The following ACACB variants were observed in gnomAD, a reference collection of about 807,000 sequenced individuals.
ACACB encodes the protein acetyl-CoA carboxylase 2.
ACACB carries 209 observed loss-of-function variants against 278.8 expected under a neutral mutation model. The ratio of observed to expected loss-of-function variants is 0.75; its 90% CI spans 0.67 to 0.84. ACACB has a LOEUF of 0.84. Ranked by LOEUF, ACACB falls within the 40% of genes least tolerant of loss-of-function variation. The pLI is 0.00. For missense variants in ACACB, 2,850 were observed against 3,269.0 expected, an observed-to-expected ratio of 0.87 and a Z score of 3.13; for synonymous variants, 1,174 against 1,285.6, an observed-to-expected ratio of 0.91 and a Z score of 1.86.
At chr12:109,116,880 G>A (rs555791421) in intron 1 of ACACB, among the ~76,000 whole-genome samples, 176 bp downstream of exon 1, 2 of 152,246 alleles carry the variant, frequency 1.3e-5, no homozygotes, top group East Asian at 1.9e-4. Context: ...GAAATGTAAC[G>A]CAGATGAAAG....
intron 4 of ACACB, among the ~76,000 whole-genome samples, chr12:109,168,489 ACTT>A (rs1437271211): frequency 6.6e-6 from 1 of 152,032 alleles, no homozygotes; most frequent in African/African-American, 2.4e-5. Context: ...TAAAAGCATA[ACTT>A]CTTCTGCTGT....
intron 2 of ACACB, among the ~76,000 whole-genome samples, chr12:109,166,372 G>A (rs1236690355): frequency 1.3e-5 from 2 of 152,014 alleles, no homozygotes; most frequent in Admixed American, 1.3e-4. Flanking sequence ...TAGTTCATGT[G>A]CTGGTACCTT....
At chr12:109,190,684 A>G (rs1442315852) in intron 13 of ACACB, among the ~76,000 whole-genome samples, 1 of 151,742 alleles carries the variant, frequency 6.6e-6, no homozygotes, top group East Asian at 1.9e-4. Context: ...CTGGAGTGCA[A>G]TGGTGTGATC....
At chr12:109,227,594 G>A in intron 28 of ACACB, 105 bp downstream of exon 28, 1 of 1,063,222 alleles carries the variant, frequency 9.4e-7, no homozygotes, top group Non-Finnish European at 1.4e-6. Context: ...GCACGCTGCT[G>A]GGGAGACATC....
intron 21 of ACACB, among the ~76,000 whole-genome samples, chr12:109,210,530 T>C (rs1342093070): frequency 1.3e-5 from 2 of 149,024 alleles, no homozygotes; most frequent in Non-Finnish European, 3.0e-5. Context: ...TGTGTATATG[T>C]GTATATATAC....
Position 109,206,757 on chromosome 12 carries a change from C to A in ACACB, c.2961C>A (p.Ile987=). The change falls in exon 20 of 53, where the codon ATC becomes ATA. Residue 987 remains isoleucine (I), a synonymous_variant. Transcript: ENST00000338432. The part of the protein sequence containing the change: ...GELPAQQTLP[I]LGEKLHQVFH... ...TCCCTGCCCAGCAGACACTGCCCAT[C>A]CTCGGAGAGAAACTGCACCAGGTCT... 6.2e-7 allele frequency: 1 copy of A among 1,614,182 alleles called. No homozygotes were observed. Among genetic ancestry groups the A allele is most frequent in the East Asian group, 2.2e-5 (1 of 44,880 alleles).
intron 21 of ACACB, among the ~76,000 whole-genome samples, chr12:109,210,274 T>TCTGTGTGTATATGTATATAC (rs1177366670): frequency 1.5e-5 from 1 of 68,556 alleles, no homozygotes; most frequent in Non-Finnish European, 2.9e-5. Context: ...TATGTACATA[T>TCTGTGTGTATATGTATATAC]ACACACACAT....
intron 11 of ACACB, among the ~76,000 whole-genome samples, chr12:109,180,826 CA>C (rs2044440926): frequency 6.6e-6 from 1 of 152,066 alleles, no homozygotes; most frequent in Non-Finnish European, 1.5e-5. Flanking sequence ...ATGAATATTC[CA>C]ATTATACTCT....
chr12:109,199,497 A>G lies in ACACB; in HGVS notation c.2723A>G (p.Tyr908Cys). ...CCCTCGGCTGGGAAGCTGACACAGT[A>G]CACAGTGGAGGATGGGGGCCACGTT... ...RSPSAGKLTQ[Y>C]TVEDGGHVEA... The change falls in exon 18 of 53, where the codon TAC (tyrosine) becomes TGC (cysteine). Residue 908 changes from tyrosine (Y) to cysteine (C), a missense_variant. By Grantham distance (194) the Tyr-to-Cys change is radical. Coordinates refer to ENST00000338432, the MANE Select transcript of ACACB (RefSeq NM_001093.4). The G allele has an allele frequency of 1.3e-6, 2 of 1,558,660 alleles. No individual in the cohort carries two copies. The highest frequency in any genetic ancestry group is 1.7e-6 in the Non-Finnish European group (2 of 1,151,976).
chr12:109,207,408 AG>A (rs2045554353), intron 20 of ACACB, among the ~76,000 whole-genome samples: 1 of 152,230 alleles, frequency 6.6e-6, no homozygotes, highest in Non-Finnish European at 1.5e-5. Flanking sequence ...GGAAGGAGTC[AG>A]TGGGGGTCAC....
chr12:109,181,224 CTTTTCTTTTTT>C (rs1476826538), intron 11 of ACACB, among the ~76,000 whole-genome samples: 5 of 139,712 alleles, frequency 3.6e-5, no homozygotes, highest in African/African-American at 1.4e-4. Flanking sequence ...TTTCCTTTTT[CTTTTCTTTTTT>C]TTTTTTTTTT....
At chr12:109,151,669 G>C (rs965889363) in intron 2 of ACACB, among the ~76,000 whole-genome samples, 2 of 152,150 alleles carry the variant, frequency 1.3e-5, no homozygotes, top group Non-Finnish European at 2.9e-5. Context: ...GGATTTTCTT[G>C]TTGATTTTGT....
intron 28 of ACACB, among the ~76,000 whole-genome samples, chr12:109,228,108 T>C (rs1593638123): frequency 7.1e-6 from 1 of 140,348 alleles, no homozygotes; most frequent in Non-Finnish European, 1.5e-5. Context: ...GAGGCTGAGG[T>C]GGGTGGATCA....
At chr12:109,200,192 A>T (rs979775098) in intron 18 of ACACB, among the ~76,000 whole-genome samples, 51 of 148,994 alleles carry the variant, frequency 3.4e-4, no homozygotes, top group African/African-American at 1.1e-3. Flanking sequence ...TGATTTCTTT[A>T]TTTTTTTTTT....
Position 109,209,158 on chromosome 12 carries a change from G to A in ACACB, c.3061-7G>A, listed in dbSNP as rs373523396. 4.9e-5 allele frequency: 78 copies of A among 1,588,460 alleles called. No individual in the cohort carries two copies. In the Middle Eastern group the frequency reaches 7.3e-4, roughly 15 times the overall value. On this transcript the variant is annotated splice_polypyrimidine_tract_variant and splice_region_variant and intron_variant, in intron 20 of 52. Coordinates refer to ENST00000338432, the MANE Select transcript of ACACB (RefSeq NM_001093.4). ...GCTGGGGGCTGATGCTGTGGTCCCCGCTTCAGCTGAAGGAGTGGGTGCAGA... is the reference window on the plus strand; with the variant it reads ...GCTGGGGGCTGATGCTGTGGTCCCCACTTCAGCTGAAGGAGTGGGTGCAGA...
chr12:109,185,186 T>C (rs1347675270), intron 11 of ACACB, among the ~76,000 whole-genome samples: 1 of 152,222 alleles, frequency 6.6e-6, no homozygotes, highest in African/African-American at 2.4e-5. Context: ...GTCTACTTTT[T>C]ACCCATTCTT....
intron 2 of ACACB, among the ~76,000 whole-genome samples, chr12:109,157,272 G>GTTATTATTATTATTATTATTATTATTA (rs71079530): frequency 1.8e-4 from 26 of 143,184 alleles, no homozygotes; most frequent in African/African-American, 2.6e-4. Flanking sequence ...TTCTAGAGTT[G>GTTATTATTATTATTATTATTATTATTA]TTATTATTAT....
intron 7 of ACACB, among the ~76,000 whole-genome samples, chr12:109,175,239 C>CA (rs556659172): frequency 5.9e-4 from 89 of 151,994 alleles, no homozygotes; most frequent in African/African-American, 2.0e-3. Flanking sequence ...TTTCCCCCCC[C>CA]AAAAGTTGAA....
At chr12:109,158,757 C>T (rs1267127659) in intron 2 of ACACB, among the ~76,000 whole-genome samples, 1 of 152,094 alleles carries the variant, frequency 6.6e-6, no homozygotes, top group Non-Finnish European at 1.5e-5. Flanking sequence ...GCAGATCGCC[C>T]TGAGGTCAGG....
Sources: gnomAD v4.1 joint callset for allele counts (sites outside exome capture counted in the v4.1 genomes callset) on GRCh38, gnomAD v4.1.1 for gene constraint, MANE v1.5 for transcripts, NCBI Gene and HGNC (gene_info 2026-07-23, HGNC 2026-07-21) for gene names.